The following FMN1 variants were observed in gnomAD, a reference collection of about 807,000 sequenced individuals.
The protein encoded by FMN1 is formin 1, also known as formin-1.
Under a neutral mutation model 132.4 loss-of-function variants are expected in FMN1, and 110 were observed. The observed-to-expected ratio is 0.83, with a 90% CI of 0.71 to 0.97. The LOEUF is 0.97. Ranked by LOEUF, FMN1 falls within the 50% of genes least tolerant of loss-of-function variation. FMN1 has a pLI of 0.00. For missense variants in FMN1, 1,792 were observed against 1,705.3 expected (o/e 1.05, Z -0.90); for synonymous variants, 722 against 651.7 (o/e 1.11, Z -1.64).
At chr15:32,895,829 T>C (rs1464655043) in intron 15 of FMN1, among the ~76,000 whole-genome samples, 1 of 152,152 alleles carries the variant, frequency 6.6e-6, no homozygotes, top group East Asian at 1.9e-4. Flanking sequence ...TTTTAAGTCA[T>C]TTTTGAGATA....
intron 18 of FMN1, among the ~76,000 whole-genome samples, chr15:32,802,694 C>T (rs2057520883): frequency 6.6e-6 from 1 of 152,180 alleles, no homozygotes; most frequent in African/African-American, 2.4e-5. Context: ...CAGCAAGAAT[C>T]CTGAAAAAGT....
intron 17 of FMN1, among the ~76,000 whole-genome samples, chr15:32,843,723 A>C (rs2058796224): frequency 6.6e-6 from 1 of 152,188 alleles, no homozygotes; most frequent in African/African-American, 2.4e-5. Flanking sequence ...AATGTCAACA[A>C]GTTGGTGGAT....
intron 16 of FMN1, among the ~76,000 whole-genome samples, chr15:32,885,700 T>C (rs1257167108): frequency 6.6e-6 from 1 of 152,216 alleles, no homozygotes; most frequent in African/African-American, 2.4e-5. Context: ...TCAAAGTTCT[T>C]GCCTCTCTGA....
intron 19 of FMN1, among the ~76,000 whole-genome samples, chr15:32,784,103 TA>T (rs1462828866): frequency 6.6e-6 from 1 of 152,126 alleles, no homozygotes; most frequent in Non-Finnish European, 1.5e-5. Flanking sequence ...AATCAAGAGA[TA>T]AATGAGATAT....
intron 6 of FMN1, among the ~76,000 whole-genome samples, chr15:33,015,434 G>A (rs1437809510): frequency 6.6e-6 from 1 of 152,028 alleles, no homozygotes; most frequent in African/African-American, 2.4e-5. Context: ...GGAATTTCAG[G>A]GCCTGTAGTT....
intron 10 of FMN1, among the ~76,000 whole-genome samples, chr15:32,923,148 C>CTCT (rs1349944272): frequency 6.6e-6 from 1 of 152,184 alleles, no homozygotes; most frequent in Non-Finnish European, 1.5e-5. Flanking sequence ...GAAGAACACC[C>CTCT]TCTGAATTGT....
At chr15:33,004,583 G>C (rs1387044206) in intron 7 of FMN1, among the ~76,000 whole-genome samples, 1 of 152,170 alleles carries the variant, frequency 6.6e-6, no homozygotes, top group Non-Finnish European at 1.5e-5. Flanking sequence ...CTTTTACACT[G>C]TTGGTGGGAC....
At chr15:33,129,119 A>G (rs889262910) in intron 4 of FMN1, among the ~76,000 whole-genome samples, 7 of 152,232 alleles carry the variant, frequency 4.6e-5, no homozygotes, top group Non-Finnish European at 8.8e-5. Flanking sequence ...CACAAAACCC[A>G]GAAGCCCAGC....
chr15:33,117,113 A>C (rs1217113170), intron 4 of FMN1, among the ~76,000 whole-genome samples: 1 of 152,166 alleles, frequency 6.6e-6, no homozygotes, highest in Non-Finnish European at 1.5e-5. Flanking sequence ...AATCACTTAC[A>C]TAGTGAGAGC....
chr15:32,986,584 G>A (rs187502358), intron 7 of FMN1, among the ~76,000 whole-genome samples: 1 of 152,156 alleles, frequency 6.6e-6, no homozygotes, highest in Admixed American at 6.5e-5. Flanking sequence ...AATCTAGAGT[G>A]CTCAATGCCT....
intron 2 of FMN1, among the ~76,000 whole-genome samples, chr15:33,180,885 G>T (rs1169718175): frequency 1.3e-5 from 2 of 152,058 alleles, no homozygotes; most frequent in East Asian, 3.9e-4. Context: ...GAGTAGCTGG[G>T]ATTACAGGCC....
chr15:32,849,060 T>G (rs1430423468), intron 17 of FMN1, among the ~76,000 whole-genome samples: 2 of 140,382 alleles, frequency 1.4e-5, no homozygotes, highest in Non-Finnish European at 3.1e-5. Context: ...CTCGGCTCAC[T>G]GCAAGCTCTG....
At chr15:32,944,154 C>T (rs927565199) in intron 9 of FMN1, among the ~76,000 whole-genome samples, 3 of 152,212 alleles carry the variant, frequency 2.0e-5, no homozygotes, top group Non-Finnish European at 4.4e-5. Flanking sequence ...TTCTCTCTTA[C>T]GGGAGAATAA....
At chr15:32,930,982 G>A (rs115242032) in intron 9 of FMN1, among the ~76,000 whole-genome samples, 1,665 of 152,166 alleles carry the variant, frequency 0.011, 29 homozygotes, top group African/African-American at 0.038. Flanking sequence ...TGGCACCCTT[G>A]TCAAAGAACA....
chr15:32,792,922 T>C lies in FMN1; in HGVS notation c.4130+5882A>G, dbSNP rs75222764. Among the ~76,000 whole-genome samples the C allele has an allele frequency of 1.9e-3, 289 of 152,322 alleles. 1 individual carries two copies. Among genetic ancestry groups the C allele is most frequent in the Middle Eastern group, 0.01 (3 of 294 alleles). On this transcript the variant is annotated intron_variant, in intron 19 of 20. Transcript: ENST00000616417. ...CAAACTCCTTGCATTCAGATTGTTA[T>C]ACATGAGGAAAATTGATTTTTCCTT...
chr15:32,988,712 G>A (rs1044730550), intron 7 of FMN1, among the ~76,000 whole-genome samples: 1 of 152,172 alleles, frequency 6.6e-6, no homozygotes, highest in Non-Finnish European at 1.5e-5. Flanking sequence ...TTACAGGGTG[G>A]CCAACTTCCT....
chr15:33,160,654 T>C (rs2140299511), intron 3 of FMN1, among the ~76,000 whole-genome samples: 1 of 152,324 alleles, frequency 6.6e-6, no homozygotes, highest in South Asian at 2.1e-4. Context: ...TCAAACAGCA[T>C]TGCCTCATTC....
At chr15:32,987,553 C>A (rs569610098) in intron 7 of FMN1, among the ~76,000 whole-genome samples, 1 of 152,216 alleles carries the variant, frequency 6.6e-6, no homozygotes, top group Non-Finnish European at 1.5e-5. Flanking sequence ...ATTAGGAGGA[C>A]TGAGGTGTTT....
intron 4 of FMN1, among the ~76,000 whole-genome samples, chr15:33,098,532 C>T (rs1164696310): frequency 6.6e-6 from 1 of 152,200 alleles, no homozygotes; most frequent in African/African-American, 2.4e-5. Flanking sequence ...CCTCAATCAA[C>T]AGCCAGGCCT....
Sources: gnomAD v4.1 joint callset for allele counts (sites outside exome capture counted in the v4.1 genomes callset) on GRCh38, gnomAD v4.1.1 for gene constraint, MANE v1.5 for transcripts, NCBI Gene and HGNC (gene_info 2026-07-23, HGNC 2026-07-21) for gene names.